Variants in NELL1 observed in about 807,000 individuals in gnomAD.
NELL1 encodes protein kinase C-binding protein NELL1.
NELL1 carries 76 observed loss-of-function variants against 107.4 expected under a neutral mutation model. The ratio of observed to expected loss-of-function variants is 0.71; its 90% CI spans 0.59 to 0.86. The LOEUF is 0.86. Among genes scored for constraint, NELL1 ranks in the 40% least tolerant of loss-of-function variants. The probability of loss-of-function intolerance (pLI) is 0.00; values close to 1 mark genes in which losing one functional copy is unlikely to be tolerated. For synonymous variants in NELL1, 353 were observed against 341.2 expected (o/e 1.03, Z -0.38); for missense variants, 1,024 against 1,005.5 (o/e 1.02, Z -0.25).
rs1423075329 is a variant in NELL1 at position 21,199,802 on chromosome 11, C to T, written c.1427-29530C>T. On this transcript the variant is annotated intron_variant, in intron 13 of 19. Coordinates refer to ENST00000357134, the MANE Select transcript of NELL1 (RefSeq NM_006157.5). ...CCTAATGCTATCCCTCCCCAGCCCCCCACCCCCCAATAGGCCCTGTTGTGT... is the reference window on the plus strand; with the variant it reads ...CCTAATGCTATCCCTCCCCAGCCCCTCACCCCCCAATAGGCCCTGTTGTGT... 9.2e-5 allele frequency among the ~76,000 whole-genome samples: 14 copies of T among 151,832 alleles called. 1 individual carries two copies.
At chr11:21,347,517 G>A (rs138312772) in intron 14 of NELL1, among the ~76,000 whole-genome samples, 1,991 of 152,158 alleles carry the variant, frequency 0.013, 46 homozygotes, top group African/African-American at 0.045. Context: ...CAGGAGAATC[G>A]CTTGAACCTG....
At chr11:20,780,751 G>A (rs1856835158) in intron 2 of NELL1, among the ~76,000 whole-genome samples, 1 of 152,316 alleles carries the variant, frequency 6.6e-6, no homozygotes, top group African/African-American at 2.4e-5. Flanking sequence ...TACAGTGAAA[G>A]CTGAAGGAGA....
At chr11:20,685,398 G>A (rs1000252730) in intron 2 of NELL1, among the ~76,000 whole-genome samples, 1 of 151,992 alleles carries the variant, frequency 6.6e-6, no homozygotes, top group South Asian at 2.1e-4. Context: ...GTTGCTTTTT[G>A]TGGCTAGGGG....
At chr11:20,705,770 A>G (rs1401424041) in intron 2 of NELL1, among the ~76,000 whole-genome samples, 1 of 151,078 alleles carries the variant, frequency 6.6e-6, no homozygotes, top group African/African-American at 2.4e-5. Context: ...TACTCATCTG[A>G]CAAAGGGCTA....
intron 15 of NELL1, among the ~76,000 whole-genome samples, chr11:21,398,978 G>A (rs1315488505): frequency 6.6e-6 from 1 of 151,478 alleles, no homozygotes; most frequent in African/African-American, 2.4e-5. Flanking sequence ...ACAGTACTCA[G>A]AATGGTTGTT....
At chr11:20,782,944 G>T (rs1188567028) in intron 2 of NELL1, among the ~76,000 whole-genome samples, 3 of 152,176 alleles carry the variant, frequency 2.0e-5, no homozygotes, top group African/African-American at 7.2e-5. Context: ...CTAGGAGCAG[G>T]ATTAGCTGGA....
chr11:20,715,211 T>C (rs1236022454), intron 2 of NELL1, among the ~76,000 whole-genome samples: 4 of 151,672 alleles, frequency 2.6e-5, no homozygotes, highest in African/African-American at 9.7e-5. Flanking sequence ...CGCCATTGCA[T>C]GCCAGCCTGG....
intron 13 of NELL1, among the ~76,000 whole-genome samples, chr11:21,125,431 G>A (rs981376260): frequency 6.6e-6 from 1 of 152,072 alleles, no homozygotes; most frequent in African/African-American, 2.4e-5. Flanking sequence ...TCTTTTGAAA[G>A]AGTTCAGCTT....
chr11:20,904,664 G>A (rs1445931550), intron 5 of NELL1, among the ~76,000 whole-genome samples: 3 of 152,044 alleles, frequency 2.0e-5, no homozygotes, highest in Admixed American at 2.0e-4. Context: ...TTTCATCTTT[G>A]GCTGATCCCT....
At chr11:21,256,818 C>G (rs1287729391) in intron 14 of NELL1, among the ~76,000 whole-genome samples, 1 of 151,966 alleles carries the variant, frequency 6.6e-6, no homozygotes, top group African/African-American at 2.4e-5. Flanking sequence ...TAGATTGTAT[C>G]TGGGAGGTGA....
chr11:20,868,414 G>A (rs1347957017), intron 4 of NELL1, among the ~76,000 whole-genome samples: 1 of 152,224 alleles, frequency 6.6e-6, no homozygotes, highest in East Asian at 1.9e-4. Flanking sequence ...TTGCTTAATG[G>A]TTATAGGGTT....
In NELL1 at chr11:20,947,365, G is replaced by A. The variant is rs536982918; in HGVS notation, c.1101G>A (p.Met367Ile). 11 of 1,613,906 alleles carry A rather than the reference G, an allele frequency of 6.8e-6. No homozygotes were observed. In the South Asian group the frequency reaches 9.9e-5, roughly 15 times the overall value. Reference sequence around the variant, plus strand: ...GAGTTTTAGTAAAAATTACAGAAATGTGTCCTCCTTTGAACTGCTCAGAAA... The same window carrying A: ...GAGTTTTAGTAAAAATTACAGAAATATGTCCTCCTTTGAACTGCTCAGAAA... The part of the protein sequence containing the change: ...RGGVLVKITE[M>I]CPPLNCSEKD... The change falls in exon 11 of 20, where the codon ATG becomes ATA. Residue 367 changes from methionine (M) to isoleucine (I), a missense_variant. Coordinates refer to ENST00000357134, the MANE Select transcript of NELL1 (RefSeq NM_006157.5).
intron 16 of NELL1, among the ~76,000 whole-genome samples, chr11:21,551,003 C>G (rs1036950543): frequency 1.3e-5 from 2 of 150,690 alleles, no homozygotes; most frequent in African/African-American, 4.9e-5. Context: ...TGGTTTTATC[C>G]TCTTTTATTT....
intron 13 of NELL1, among the ~76,000 whole-genome samples, chr11:21,166,031 A>C (rs919546716): frequency 6.6e-6 from 1 of 151,872 alleles, no homozygotes; most frequent in Non-Finnish European, 1.5e-5. Flanking sequence ...CTGGGATTAC[A>C]GGGGTAAGCC....
intron 12 of NELL1, among the ~76,000 whole-genome samples, chr11:21,082,348 A>G (rs1001620145): frequency 6.6e-5 from 10 of 152,230 alleles, no homozygotes; most frequent in African/African-American, 2.2e-4. Flanking sequence ...AGGTGATTCT[A>G]TGGAAATAGC....
At chr11:21,563,990 C>G (rs573474740) in intron 17 of NELL1, among the ~76,000 whole-genome samples, 2 of 151,744 alleles carry the variant, frequency 1.3e-5, no homozygotes, top group East Asian at 2.0e-4. Context: ...ATATCAGGAA[C>G]AAAAAGAGTA....
chr11:20,920,131 A>G (rs1233166042), intron 7 of NELL1, among the ~76,000 whole-genome samples: 1 of 152,130 alleles, frequency 6.6e-6, no homozygotes, highest in Non-Finnish European at 1.5e-5. Context: ...AAATATGGCT[A>G]ATGCTGTTGT....
intron 12 of NELL1, among the ~76,000 whole-genome samples, chr11:21,072,117 G>T (rs1854030104): frequency 6.6e-6 from 1 of 152,050 alleles, no homozygotes; most frequent in African/African-American, 2.4e-5. Context: ...ATCAAGACCT[G>T]GTCTATTAAC....
intron 4 of NELL1, among the ~76,000 whole-genome samples, chr11:20,871,846 C>T (rs1010512729): frequency 2.0e-5 from 3 of 151,456 alleles, no homozygotes; most frequent in Admixed American, 6.6e-5. Context: ...GGTGAAACCC[C>T]GTCTCTACTA....
Sources: gnomAD v4.1 joint callset for allele counts (sites outside exome capture counted in the v4.1 genomes callset) on GRCh38, gnomAD v4.1.1 for gene constraint, MANE v1.5 for transcripts, NCBI Gene and HGNC (gene_info 2026-07-23, HGNC 2026-07-21) for gene names.